IQSEC1: variants seen among roughly 807,000 people sequenced by gnomAD.
The protein encoded by IQSEC1 is IQ motif and SEC7 domain-containing protein 1.
In IQSEC1, 31 loss-of-function variants were observed where a neutral mutation model predicts 91.0. The observed-to-expected ratio is 0.34, with a 90% CI of 0.26 to 0.46. The LOEUF is 0.46. IQSEC1 is among the 20% of genes least tolerant of loss of function. IQSEC1 has a pLI of 1.00. For missense variants in IQSEC1, 1,388 were observed against 1,575.6 expected (o/e 0.88, Z 2.02); for synonymous variants, 699 against 662.6 (o/e 1.05, Z -0.84).
At chr3:13,265,509 A>G (rs900431458) in intron 1 of IQSEC1, among the ~76,000 whole-genome samples, 7 of 152,158 alleles carry the variant, frequency 4.6e-5, no homozygotes, top group Non-Finnish European at 1.0e-4. Flanking sequence ...CCAAAACCAA[A>G]TACACGAACA....
At chr3:13,076,335 T>C (rs1239354696), upstream of IQSEC1, among the ~76,000 whole-genome samples, 4 of 152,154 alleles carry the variant, frequency 2.6e-5, no homozygotes, top group Non-Finnish European at 5.9e-5. Flanking sequence ...GGGAAGCCGC[T>C]TGGATCAGAA....
At chr3:13,155,754 A>G (rs1707076261) in intron 2 of IQSEC1, among the ~76,000 whole-genome samples, 2 of 152,192 alleles carry the variant, frequency 1.3e-5, no homozygotes, top group African/African-American at 4.8e-5. Context: ...AGCCCAATAA[A>G]AGAATTCTGC....
At chr3:13,081,854 C>T (rs542722781) in intron 2 of IQSEC1, among the ~76,000 whole-genome samples, 2 of 152,296 alleles carry the variant, frequency 1.3e-5, no homozygotes, top group South Asian at 2.1e-4. Flanking sequence ...TCTGGTCCTC[C>T]CGTTCACAGA....
At position 12,924,775 on chromosome 3, in the gene IQSEC1, G is replaced by C; in HGVS notation, c.1569-33C>G. On this transcript the variant is annotated intron_variant, in intron 3 of 13. Coordinates refer to ENST00000613206, the MANE Select transcript of IQSEC1 (RefSeq NM_001134382.3). The surrounding 1 kb of genome is among the most constrained non-coding windows in gnomAD (Gnocchi z 6.3). The stretch of plus-strand genomic sequence containing the variant: ...AGGACGAGAGGCACACTCAGTCCCA[G>C]CTGCCCGGCCACCAGCCAGGCACCT... 7.9e-6 allele frequency: 12 copies of C among 1,514,662 alleles called. No homozygotes were observed. Among genetic ancestry groups the C allele is most frequent in the Non-Finnish European group, 1.1e-5 (12 of 1,126,594 alleles). The allele number at this position is 1,514,662 out of a possible 1,614,324, so 93.8% of individuals were successfully genotyped here.
At chr3:12,918,077 C>A (rs1465344043) in intron 6 of IQSEC1, among the ~76,000 whole-genome samples, 1 of 152,226 alleles carries the variant, frequency 6.6e-6, no homozygotes, top group Non-Finnish European at 1.5e-5. Context: ...AGTCCAGGGA[C>A]CTGCCTGGCC....
chr3:13,236,048 C>T (rs1194709391), intron 1 of IQSEC1, among the ~76,000 whole-genome samples: 3 of 152,138 alleles, frequency 2.0e-5, no homozygotes, highest in Non-Finnish European at 4.4e-5. Flanking sequence ...CCCATGGGGC[C>T]TTACGAGATA....
In IQSEC1 at chr3:13,252,720, T is replaced by TTTTTTG. The variant is rs1316744256; in HGVS notation, c.272+29990_272+29991insCAAAAA. Among the ~76,000 whole-genome samples, 327 of 139,796 alleles carry TTTTTTG rather than the reference T, an allele frequency of 2.3e-3. 1 individual carries two copies. Among genetic ancestry groups the TTTTTTG allele is most frequent in the African/African-American group, 9.9e-3 (304 of 30,628 alleles). 91.7% of individuals were successfully genotyped at this position (139,796 alleles called of 152,430 possible). A position where few individuals can be genotyped will look rare whatever the true frequency, so the allele number is the denominator to read the frequency against. ...CCAACAGACTTCTTATTATCTATGT[T>TTTTTTG]TTTTTTTGTTTTTGTTTGTTTGTTT... is the stretch of plus-strand genomic sequence containing the variant. On this transcript the variant is annotated intron_variant, in intron 1 of 15. Coordinates refer to the IQSEC1 transcript ENST00000648114.
At chr3:13,014,842 T>C (rs1243264435) in intron 1 of IQSEC1, among the ~76,000 whole-genome samples, 1 of 152,156 alleles carries the variant, frequency 6.6e-6, no homozygotes, top group Non-Finnish European at 1.5e-5. Context: ...GGTTCCACTC[T>C]GGATCATTTC....
At chr3:13,028,583 T>C (rs924418517) in intron 1 of IQSEC1, among the ~76,000 whole-genome samples, 1 of 152,202 alleles carries the variant, frequency 6.6e-6, no homozygotes, top group Non-Finnish European at 1.5e-5. Context: ...GCAGGTGGCA[T>C]GGTCATGGGA....
intron 2 of IQSEC1, among the ~76,000 whole-genome samples, chr3:13,134,912 T>C (rs896585147): frequency 1.3e-5 from 2 of 152,002 alleles, no homozygotes; most frequent in Non-Finnish European, 2.9e-5. Context: ...GGGCCTGCCA[T>C]GAATCCAGGG....
At chr3:13,213,738 G>A (rs1039714650) in intron 1 of IQSEC1, among the ~76,000 whole-genome samples, 2 of 152,114 alleles carry the variant, frequency 1.3e-5, no homozygotes, top group Non-Finnish European at 2.9e-5. Flanking sequence ...GTGGGTCCCA[G>A]GGATATGAGT....
chr3:13,263,464 TGA>T (rs1435639010), intron 1 of IQSEC1, among the ~76,000 whole-genome samples: 1 of 149,400 alleles, frequency 6.7e-6, no homozygotes, highest in African/African-American at 2.5e-5. Context: ...TTTTTTTTTT[TGA>T]GAGTCATGCT....
intron 1 of IQSEC1, among the ~76,000 whole-genome samples, chr3:12,999,215 G>C (rs1022742106): frequency 6.6e-6 from 1 of 152,052 alleles, no homozygotes; most frequent in African/African-American, 2.4e-5. Context: ...AGCATAAGAC[G>C]AGTACTAAGA....
chr3:12,935,759 C>T lies in IQSEC1; in HGVS notation c.1257G>A (p.Glu419=). 1 of 1,609,058 alleles carries T rather than the reference C, an allele frequency of 6.2e-7. No homozygotes were observed. The highest frequency in any genetic ancestry group is 8.5e-7 in the Non-Finnish European group (1 of 1,179,684). Residue 419 remains glutamate (E), a synonymous_variant, in exon 3 of 14, where the codon GAG becomes GAA. Transcript: ENST00000613206. This position sits in a 1 kb window ranked among gnomAD's most constrained non-coding sequence, Gnocchi z 8.0. ...GGGGCCGGGGCCGCAACTCAGGCTC[C>T]TCCCGGGGGAGGCTCTTGGGGGCGC... The part of the protein sequence containing the change: ...HSGAPKSLPR[E]EPELRPRPPR...
intron 9 of IQSEC1, among the ~76,000 whole-genome samples, chr3:12,912,356 A>C (rs1695642951): frequency 6.6e-6 from 1 of 152,204 alleles, no homozygotes; most frequent in Admixed American, 6.5e-5. Context: ...CCAGGACCTC[A>C]CTGGACCCCT....
At chr3:13,058,681 A>T (rs1260019161) in intron 1 of IQSEC1, among the ~76,000 whole-genome samples, 2 of 152,196 alleles carry the variant, frequency 1.3e-5, no homozygotes, top group Non-Finnish European at 2.9e-5. Flanking sequence ...TGGTTTCTGG[A>T]TAAACAGAGA....
At chr3:13,283,106 C>A (rs1695830383) in exon 1 of IQSEC1, among the ~76,000 whole-genome samples, 1 of 144,192 alleles carries the variant, frequency 6.9e-6, no homozygotes, top group African/African-American at 2.5e-5. Context: ...GGCCCCGCCT[C>A]GGCTCCCGCC....
chr3:13,032,624 C>T (rs1703886630), intron 1 of IQSEC1, among the ~76,000 whole-genome samples: 1 of 151,446 alleles, frequency 6.6e-6, no homozygotes, highest in South Asian at 2.1e-4. Context: ...CGCTCTGTCG[C>T]CCAGGCTGGA....
At chr3:13,270,560 C>T (rs1314873290) in intron 1 of IQSEC1, among the ~76,000 whole-genome samples, 2 of 152,168 alleles carry the variant, frequency 1.3e-5, no homozygotes, top group African/African-American at 4.8e-5. Context: ...GATCCTGCCC[C>T]TGTCTTTATT....
Sources: allele counts gnomAD v4.1 joint callset (sites outside exome capture counted in the v4.1 genomes callset), GRCh38; gene constraint gnomAD v4.1.1; non-coding constraint Gnocchi (gnomAD v3.1); transcripts MANE v1.5; gene names NCBI Gene and HGNC (gene_info 2026-07-23, HGNC 2026-07-21).